Variants in CHD6 observed in about 807,000 individuals in gnomAD.
CHD6 encodes the protein chromodomain helicase DNA binding protein 6, also known as ATP-dependent chromatin remodeler CHD6.
CHD6 carries 50 observed loss-of-function variants against 276.9 expected under a neutral mutation model. The ratio of observed to expected loss-of-function variants is 0.18; its 90% confidence interval spans 0.14 to 0.23. The LOEUF (loss-of-function observed/expected upper bound fraction) is 0.23, where lower values mean the gene tolerates loss of function less well. CHD6 is among the 10% of genes least tolerant of loss of function. The pLI, the probability that CHD6 is intolerant of heterozygous loss-of-function variation, is 1.00. For missense variants in CHD6, 2,564 were observed against 3,365.8 expected (o/e 0.76, Z 5.89); for synonymous variants, 1,173 against 1,229.3 (o/e 0.95, Z 0.96).
At chr20:41,575,439 C>T in intron 1 of CHD6, among the ~76,000 whole-genome samples, 1 of 152,140 alleles carries the variant, frequency 6.6e-6, no homozygotes, top group East Asian at 1.9e-4. Context: ...AAACCTCAAG[C>T]TTTCTTCACA....
intron 17 of CHD6, among the ~76,000 whole-genome samples, chr20:41,465,495 T>C (rs1039854046): frequency 6.6e-6 from 1 of 152,008 alleles, no homozygotes; most frequent in African/African-American, 2.4e-5. Context: ...TCATGAAAGA[T>C]AAGGAAAGAC....
intron 2 of CHD6, among the ~76,000 whole-genome samples, chr20:41,543,909 T>C (rs2044992226): frequency 6.6e-6 from 1 of 152,192 alleles, no homozygotes; most frequent in Admixed American, 6.5e-5. Context: ...CATAATACTT[T>C]AACCCTTTGG....
chr20:41,493,672 C>G lies in CHD6; in HGVS notation c.1180G>C (p.Glu394Gln), dbSNP rs770838060. Residue 394 changes from glutamate (E) to glutamine (Q), a missense_variant and splice_region_variant, in exon 10 of 37, where the codon GAG becomes CAG. Physicochemically the swap from Glu to Gln is conservative, Grantham distance 29. This residue lies in a region of CHD6 where 457 missense variants were observed against 889.0 expected (regional missense o/e 0.51). Transcript: ENST00000373233. ...CACTTCACCAGGTAATGTGTTACCT[C>G]CTGGTGGGAAAACAGGAAAGAAACT... The part of the protein sequence containing the change: ...AHTKDAETGE[E>Q]VTHYLVKWCS... The G allele has an allele frequency of 4.3e-6, 7 of 1,613,104 alleles. No homozygotes were observed. The highest frequency in any genetic ancestry group is 1.3e-5 in the African/African-American group (1 of 74,874).
chr20:41,498,673 C>G (rs1000459752), intron 6 of CHD6, among the ~76,000 whole-genome samples: 2 of 152,128 alleles, frequency 1.3e-5, no homozygotes, highest in Non-Finnish European at 2.9e-5. Context: ...CACCAACATA[C>G]TCTAGCACTC....
At position 41,450,946 on chromosome 20, in the gene CHD6, T is replaced by C. The variant is rs757521708; in HGVS notation, c.3683A>G (p.Lys1228Arg). 6.2e-7 allele frequency: 1 copy of C among 1,610,726 alleles called. No individual in the cohort carries two copies. Among genetic ancestry groups the C allele is most frequent in the South Asian group, 1.1e-5 (1 of 90,516 alleles). ...GGGTATGGGGAGGAGGGACACTCAC[T>C]TGTTGCAGTGCTGTTTGAGGTGTTT... Reference protein sequence around the residue: ...YKKHLKQHCNKVLLRVRMLYY... With the variant: ...YKKHLKQHCNRVLLRVRMLYY... Residue 1228 changes from lysine to arginine, a missense_variant and splice_region_variant, in exon 23 of 37, where the codon AAA becomes AGA. Physicochemically the swap from Lys to Arg is conservative, Grantham distance 26. This residue lies in a region of CHD6 where 515 missense variants were observed against 739.5 expected (regional missense o/e 0.70). Coordinates refer to ENST00000373233, the MANE Select transcript of CHD6 (RefSeq NM_032221.5).
At chr20:41,552,301 C>T (rs2045158496) in intron 1 of CHD6, among the ~76,000 whole-genome samples, 1 of 152,212 alleles carries the variant, frequency 6.6e-6, no homozygotes, top group African/African-American at 2.4e-5. Context: ...CAGAACACCA[C>T]TCACTCAGAA....
At chr20:41,561,134 T>C (rs997046044) in intron 1 of CHD6, among the ~76,000 whole-genome samples, 2 of 152,228 alleles carry the variant, frequency 1.3e-5, no homozygotes, top group African/African-American at 2.4e-5. Flanking sequence ...AAAACAGCCA[T>C]AGACAAATAT....
chr20:41,535,276 A>C (rs2044801996), intron 2 of CHD6, among the ~76,000 whole-genome samples: 1 of 152,224 alleles, frequency 6.6e-6, no homozygotes, highest in South Asian at 2.1e-4. Context: ...TATTGAAAAC[A>C]TGCCATATGG....
At chr20:41,555,160 C>A (rs1395227393) in intron 1 of CHD6, among the ~76,000 whole-genome samples, 4 of 136,290 alleles carry the variant, frequency 2.9e-5, no homozygotes, top group Non-Finnish European at 4.6e-5. Flanking sequence ...CAGAGGGGCT[C>A]CTCACTTCCC....
In CHD6 at chr20:41,455,821, C is replaced by T. The variant is rs754192934; in HGVS notation, c.2988G>A (p.Gly996=). 1.8e-5 allele frequency: 28 copies of T among 1,594,670 alleles called. 1 individual carries two copies. In the South Asian group the frequency reaches 3.0e-4, roughly 17 times the overall value. The change falls in exon 19 of 37, where the codon GGG becomes GGA. Residue 996 remains glycine, a synonymous_variant. Transcript: ENST00000373233. ...RTHTITIQSE[G]KGSTFAKASF... ...GTACCTTGGCAAAAGTGGACCCTTT[C>T]CCCTCAGACTGGATGGTGATGGTGT... is the stretch of plus-strand genomic sequence containing the variant.
rs1458659549 is a variant in CHD6 at position 41,421,630 on chromosome 20, C to T, written c.5005G>A (p.Asp1669Asn). Residue 1669 changes from aspartate (D) to asparagine (N), a missense_variant, in exon 31 of 37, where the codon GAT becomes AAT. This residue lies in a region of CHD6 where 1,024 missense variants were observed against 1,047.9 expected (regional missense o/e 0.98). Transcript: ENST00000373233. ...PENLVRVESR[D>N]DHLSLPDVTC... ...ACATCAGGCAGGCTGAGATGATCAT[C>T]TCTGCTTTCTACTCTCACTAGATTT... is the stretch of plus-strand genomic sequence containing the variant. The T allele has an allele frequency of 1.2e-6, 2 of 1,613,954 alleles. No homozygotes were observed. Among genetic ancestry groups the T allele is most frequent in the Non-Finnish European group, 1.7e-6 (2 of 1,179,920 alleles).
intron 1 of CHD6, among the ~76,000 whole-genome samples, chr20:41,557,811 A>C (rs2045257372): frequency 6.6e-6 from 1 of 152,200 alleles, no homozygotes; most frequent in Non-Finnish European, 1.5e-5. Context: ...ACTTTGAGAC[A>C]GAGTATGTGG....
intron 17 of CHD6, among the ~76,000 whole-genome samples, chr20:41,461,437 G>C (rs1465985611): frequency 6.6e-6 from 1 of 152,198 alleles, no homozygotes; most frequent in African/African-American, 2.4e-5. Context: ...GGAGGTAACT[G>C]AATCATGGGG....
At chr20:41,580,609 G>C (rs1027833602) in intron 1 of CHD6, among the ~76,000 whole-genome samples, 2 of 132,886 alleles carry the variant, frequency 1.5e-5, no homozygotes, top group Non-Finnish European at 3.0e-5. Flanking sequence ...GCAATGAGAC[G>C]TGATTATGCC....
intron 2 of CHD6, among the ~76,000 whole-genome samples, chr20:41,537,175 T>C (rs1386795178): frequency 6.6e-6 from 1 of 152,230 alleles, no homozygotes; most frequent in Non-Finnish European, 1.5e-5. Flanking sequence ...AATACACTTA[T>C]CAAAATTAAT....
intron 1 of CHD6, among the ~76,000 whole-genome samples, chr20:41,575,315 AT>A (rs1401408859): frequency 1.8e-4 from 27 of 152,160 alleles, no homozygotes; most frequent in Admixed American, 1.4e-3. Flanking sequence ...TGCTTTGTAC[AT>A]TTTGTTCAAT....
At chr20:41,611,325 C>T (rs1013751931) in intron 1 of CHD6, among the ~76,000 whole-genome samples, 5 of 152,116 alleles carry the variant, frequency 3.3e-5, no homozygotes, top group Admixed American at 6.5e-5. Flanking sequence ...AATACTGGTA[C>T]GACTGGCCAT....
intron 1 of CHD6, among the ~76,000 whole-genome samples, chr20:41,570,674 C>T (rs2045406801): frequency 6.6e-6 from 1 of 152,190 alleles, no homozygotes; most frequent in Non-Finnish European, 1.5e-5. Flanking sequence ...ATACCACCAG[C>T]TATTGAAAGC....
chr20:41,490,709 AG>A (rs2145862495), intron 11 of CHD6, among the ~76,000 whole-genome samples: 1 of 152,242 alleles, frequency 6.6e-6, no homozygotes, highest in African/African-American at 2.4e-5. Context: ...GCTACTAGGG[AG>A]GCAGAGGCAG....
Sources: allele counts gnomAD v4.1 joint callset (sites outside exome capture counted in the v4.1 genomes callset), GRCh38; gene constraint gnomAD v4.1.1; regional missense constraint gnomAD v4.1.1; transcripts MANE v1.5; gene names NCBI Gene and HGNC (gene_info 2026-07-23, HGNC 2026-07-21).